The following LRRN3 variants were observed in gnomAD, a reference collection of about 807,000 sequenced individuals.
LRRN3 encodes leucine-rich repeat neuronal protein 3.
Under a neutral mutation model 40.1 loss-of-function variants are expected in LRRN3, and 15 were observed. The observed-to-expected ratio is 0.37, with a 90% confidence interval of 0.25 to 0.58. The LOEUF is 0.58. LRRN3 is among the 20% of genes least tolerant of loss of function. The probability of loss-of-function intolerance (pLI) is 0.72; values close to 1 mark genes in which losing one functional copy is unlikely to be tolerated. For synonymous variants in LRRN3, 308 were observed against 297.2 expected, an observed-to-expected ratio of 1.04 and a Z score of -0.37; for missense variants, 746 against 837.7, an observed-to-expected ratio of 0.89 and a Z score of 1.35.
intron 2 of LRRN3, among the ~76,000 whole-genome samples, chr7:111,108,778 T>G (rs1314692393): frequency 1.3e-5 from 2 of 152,146 alleles, no homozygotes; most frequent in African/African-American, 2.4e-5. Context: ...AATTCAGCAT[T>G]CACCAACAAA....
At position 111,123,780 on chromosome 7, in the gene LRRN3, G is replaced by C; in HGVS notation, c.1008G>C (p.Leu336=). ...ATGCATTTTTCAGACTCCCCAAGCT[G>C]GAATCACTCATGCTGAACAGCAATG... ...HPNAFFRLPK[L]ESLMLNSNAL... The change falls in exon 3 of 3, where the codon CTG becomes CTC. Residue 336 remains leucine, a synonymous_variant. Coordinates refer to ENST00000308478, the MANE Select transcript of LRRN3 (RefSeq NM_001099658.2). This position sits in a 1 kb window ranked among gnomAD's most constrained non-coding sequence, Gnocchi z 6.4. The C allele has an allele frequency of 1.2e-6, 2 of 1,613,976 alleles. No individual in the cohort carries two copies. Among genetic ancestry groups the C allele is most frequent in the Non-Finnish European group, 8.5e-7 (1 of 1,179,972 alleles).
At chr7:111,096,641 G>A (rs1447623774) in intron 1 of LRRN3, among the ~76,000 whole-genome samples, 1 of 151,724 alleles carries the variant, frequency 6.6e-6, no homozygotes, top group African/African-American at 2.4e-5. Flanking sequence ...ACTTGGCAAA[G>A]GTCTCAAAAA....
In LRRN3 at chr7:111,102,961, C is replaced by T. The variant is rs570251143; in HGVS notation, c.-359+2999C>T. ...AGACCATATAGTATAGGACAATGAG[C>T]ACTCAAGCCCTTGAGTTGCTAAAAT... is the stretch of plus-strand genomic sequence containing the variant. On this transcript the variant is annotated intron_variant, in intron 2 of 2. Transcript: ENST00000308478. Among the ~76,000 whole-genome samples, 3 of 151,594 alleles carry T rather than the reference C, an allele frequency of 2.0e-5. No homozygotes were observed. In the Admixed American group the frequency reaches 2.0e-4, roughly 10 times the overall value.
intron 2 of LRRN3, among the ~76,000 whole-genome samples, chr7:111,103,736 G>T (rs892703724): frequency 6.6e-6 from 1 of 151,614 alleles, no homozygotes; most frequent in African/African-American, 2.4e-5. Flanking sequence ...GGGTGCAGAA[G>T]AACTTTTTTA....
At position 111,122,449 on chromosome 7, in the gene LRRN3, CA is replaced by C; in HGVS notation, c.-323del. The C allele has an allele frequency of 4.7e-6, 1 of 211,672 alleles. No homozygotes were observed. Among genetic ancestry groups the C allele is most frequent in the South Asian group, 1.6e-4 (1 of 6,266 alleles). 13.1% of individuals were successfully genotyped at this position (211,672 alleles called of 1,614,324 possible). Reference sequence around the variant, plus strand: ...GCTATTCCTGCAAATACTGAAGAAGCATGGGATTTAAATATTTTACTTCTAA... The same window carrying C: ...GCTATTCCTGCAAATACTGAAGAAGCTGGGATTTAAATATTTTACTTCTAA... On this transcript the variant is annotated 5_prime_UTR_variant, in exon 3 of 3. It removes an upstream start codon present in the reference 5' UTR. Transcript: ENST00000308478.
intron 2 of LRRN3, among the ~76,000 whole-genome samples, chr7:111,110,061 G>A (rs1364149683): frequency 6.6e-6 from 1 of 152,168 alleles, no homozygotes; most frequent in African/African-American, 2.4e-5. Context: ...CTTGAACCCA[G>A]GAGGTGGAGG....
chr7:111,120,557 T>A (rs762460439), intron 2 of LRRN3, among the ~76,000 whole-genome samples: 1 of 152,016 alleles, frequency 6.6e-6, no homozygotes, highest in Non-Finnish European at 1.5e-5. Flanking sequence ...CCAAACCATA[T>A]CAGTGATGTA....
rs1406968442 is a variant in LRRN3, at chr7:111,101,531, GT to G, written c.-359+1571del. ...CTTTTGTCCACTGTCTACCATTTTT[GT>G]TGTAGATTTAGTAAAAAAAAAAATT... On this transcript the variant is annotated intron_variant, in intron 2 of 2. Transcript: ENST00000308478. Among the ~76,000 whole-genome samples the G allele has an allele frequency of 2.0e-5, 3 of 150,966 alleles. No homozygotes were observed. In the East Asian group the frequency reaches 5.8e-4, roughly 29 times the overall value.
chr7:111,123,996 G>A lies in LRRN3; in HGVS notation c.1224G>A (p.Arg408=), dbSNP rs778483109. 6.2e-7 allele frequency: 1 copy of A among 1,613,920 alleles called. No individual in the cohort carries two copies. Among genetic ancestry groups the A allele is most frequent in the Non-Finnish European group, 8.5e-7 (1 of 1,179,986 alleles). The change falls in exon 3 of 3, where the codon CGG becomes CGA. Residue 408 remains arginine, a synonymous_variant. Transcript: ENST00000308478. The surrounding 1 kb of genome is among the most constrained non-coding windows in gnomAD (Gnocchi z 6.4). ...DPPEFQGQNV[R]QVHFRDMMEI... Reference sequence around the variant, plus strand: ...CTGAATTCCAAGGTCAGAATGTTCGGCAAGTGCATTTCAGGGACATGATGG... The same window carrying A: ...CTGAATTCCAAGGTCAGAATGTTCGACAAGTGCATTTCAGGGACATGATGG...
At chr7:111,092,756 C>A (rs2129578098) in intron 1 of LRRN3, among the ~76,000 whole-genome samples, 1 of 152,276 alleles carries the variant, frequency 6.6e-6, no homozygotes, top group African/African-American at 2.4e-5. Flanking sequence ...TTCAAACAGA[C>A]AACACCAATT....
intron 2 of LRRN3, among the ~76,000 whole-genome samples, chr7:111,116,011 G>C (rs985834195): frequency 2.0e-5 from 3 of 152,060 alleles, no homozygotes; most frequent in Non-Finnish European, 4.4e-5. Context: ...TCCCCATGTA[G>C]CACAAGCCTC....
intron 1 of LRRN3, among the ~76,000 whole-genome samples, chr7:111,099,333 A>G (rs1797729817): frequency 6.6e-6 from 1 of 151,706 alleles, no homozygotes; most frequent in African/African-American, 2.4e-5. Context: ...TAGTCTGAAT[A>G]CAATTTCATT....
At chr7:111,100,332 T>A (rs953048576) in intron 2 of LRRN3, among the ~76,000 whole-genome samples, 21 of 150,668 alleles carry the variant, frequency 1.4e-4, no homozygotes, top group African/African-American at 4.9e-4. Context: ...TGCAGAAGCA[T>A]CTAACAACAG....
intron 2 of LRRN3, among the ~76,000 whole-genome samples, chr7:111,121,354 A>G (rs1800588818): frequency 6.6e-6 from 1 of 152,162 alleles, no homozygotes. Context: ...GAAGCTCTTT[A>G]GTTTAATTAG....
At position 111,091,363 on chromosome 7, in the gene LRRN3, G is replaced by A. The variant is rs1231723173; in HGVS notation, c.-582G>A. ...TGTGCATATCTATAGTATATATTTT[G>A]TACACTTTGTTACACAGACACACAA... On this transcript the variant is annotated 5_prime_UTR_variant, in exon 1 of 3. Transcript: ENST00000308478. 1.3e-5 allele frequency: 2 copies of A among 152,094 alleles called. No individual in the cohort carries two copies. Among genetic ancestry groups the A allele is most frequent in the Non-Finnish European group, 2.9e-5 (2 of 68,030 alleles). The allele number at this position is 152,094 out of a possible 1,614,324, so 9.4% of individuals were successfully genotyped here.
intron 2 of LRRN3, among the ~76,000 whole-genome samples, chr7:111,116,501 C>T (rs186804813): frequency 2.6e-4 from 39 of 152,100 alleles, no homozygotes; most frequent in African/African-American, 9.4e-4. Context: ...TGAACAATAA[C>T]AAAAATAATT....
At chr7:111,102,002 T>C (rs1164760665) in intron 2 of LRRN3, among the ~76,000 whole-genome samples, 1 of 151,152 alleles carries the variant, frequency 6.6e-6, no homozygotes, top group Non-Finnish European at 1.5e-5. Context: ...TCTCACTCCA[T>C]ATGGAACTCA....
intron 2 of LRRN3, among the ~76,000 whole-genome samples, chr7:111,115,778 G>A (rs1390682888): frequency 6.6e-6 from 1 of 151,998 alleles, no homozygotes; most frequent in African/African-American, 2.4e-5. Context: ...AGCGATTCTC[G>A]TGCCTCAGCC....
At chr7:111,094,388 G>A (rs937844202) in intron 1 of LRRN3, among the ~76,000 whole-genome samples, 2 of 152,084 alleles carry the variant, frequency 1.3e-5, no homozygotes, top group Non-Finnish European at 2.9e-5. Flanking sequence ...CCTACTTCTA[G>A]CCTCAGTAAG....
Sources: gnomAD v4.1 joint callset for allele counts (sites outside exome capture counted in the v4.1 genomes callset) on GRCh38, gnomAD v4.1.1 for gene constraint, Gnocchi (gnomAD v3.1) non-coding constraint, MANE v1.5 for transcripts, NCBI Gene and HGNC (gene_info 2026-07-23, HGNC 2026-07-21) for gene names.